The following LARGE1 variants were observed in gnomAD, a reference collection of about 807,000 sequenced individuals.
LARGE1 encodes xylosyl- and glucuronyltransferase LARGE1.
In LARGE1, 43 loss-of-function variants were observed where a neutral mutation model predicts 87.6. The observed-to-expected ratio is 0.49, with a 90% CI of 0.38 to 0.63. The LOEUF is 0.63. Ranked by LOEUF, LARGE1 falls within the 30% of genes least tolerant of loss-of-function variation. The pLI, the probability that LARGE1 is intolerant of heterozygous loss-of-function variation, is 0.00. For missense variants in LARGE1, 802 were observed against 1,000.2 expected (o/e 0.80, Z 2.67); for synonymous variants, 434 against 394.6 (o/e 1.10, Z -1.18).
At chr22:33,837,960 C>T (rs1163751117) in intron 1 of LARGE1, among the ~76,000 whole-genome samples, 1 of 152,200 alleles carries the variant, frequency 6.6e-6, no homozygotes, top group Admixed American at 6.5e-5. Flanking sequence ...CACGTAAGCT[C>T]TGCATGCCAT....
chr22:33,470,166 A>C (rs1456738422), intron 6 of LARGE1, among the ~76,000 whole-genome samples: 1 of 152,130 alleles, frequency 6.6e-6, no homozygotes, highest in Non-Finnish European at 1.5e-5. Flanking sequence ...CTGGGATTAC[A>C]GGCATGAGCC....
intron 2 of LARGE1, among the ~76,000 whole-genome samples, chr22:33,700,393 T>C (rs1356447966): frequency 6.6e-6 from 1 of 152,186 alleles, no homozygotes; most frequent in Non-Finnish European, 1.5e-5. Context: ...GTCCAGAGAA[T>C]TAATTGTGTA....
the LARGE1 span, among the ~76,000 whole-genome samples, chr22:33,069,250 A>G: frequency 1.3e-5 from 2 of 152,178 alleles, no homozygotes; most frequent in African/African-American, 4.8e-5. Context: ...AATGAAGCAT[A>G]GTGATGAAAG....
At chr22:33,862,884 A>G (rs1031947352) in intron 1 of LARGE1, among the ~76,000 whole-genome samples, 1 of 152,162 alleles carries the variant, frequency 6.6e-6, no homozygotes, top group Non-Finnish European at 1.5e-5. Flanking sequence ...ATACCTACAT[A>G]TTAGTATCTA....
At chr22:33,104,889 C>CTTTCTTTCTTTCTTTCTTTCTT in the LARGE1 span, among the ~76,000 whole-genome samples, 12 of 89,148 alleles carry the variant, frequency 1.3e-4, no homozygotes, top group South Asian at 4.5e-4. Context: ...GACTTTCTCT[C>CTTTCTTTCTTTCTTTCTTTCTT]TCTTTCTTTC....
intron 2 of LARGE1, among the ~76,000 whole-genome samples, chr22:33,672,752 A>T (rs1179390719): frequency 6.6e-6 from 1 of 152,228 alleles, no homozygotes; most frequent in Non-Finnish European, 1.5e-5. Context: ...AGGAGTTGGT[A>T]GAGAAGTAGA....
intron 1 of LARGE1, among the ~76,000 whole-genome samples, chr22:33,781,841 GATAAAA>G (rs559077950): frequency 6.8e-4 from 104 of 152,244 alleles, no homozygotes; most frequent in African/African-American, 2.3e-3. Flanking sequence ...ATAGTACACT[GATAAAA>G]ATAGAAAGCA....
At chr22:33,914,543 C>T (rs1227184346) in intron 1 of LARGE1, among the ~76,000 whole-genome samples, 1 of 152,174 alleles carries the variant, frequency 6.6e-6, no homozygotes, top group Non-Finnish European at 1.5e-5. Context: ...AACGGGTTTC[C>T]ACCATAGGTA....
chr22:33,451,904 A>G (rs1173310023), intron 6 of LARGE1, among the ~76,000 whole-genome samples: 1 of 152,092 alleles, frequency 6.6e-6, no homozygotes, highest in African/African-American at 2.4e-5. Flanking sequence ...CTTAGCTCCC[A>G]CTTATCAGTG....
the LARGE1 span, among the ~76,000 whole-genome samples, chr22:33,151,952 C>A: frequency 0.013 from 666 of 52,436 alleles, 4 homozygotes; most frequent in South Asian, 0.034. Flanking sequence ...AAAAAAAAAA[C>A]AAGTTGTGAA....
chr22:33,885,441 C>CT (rs2064817408), intron 1 of LARGE1, among the ~76,000 whole-genome samples: 1 of 152,172 alleles, frequency 6.6e-6, no homozygotes, highest in Non-Finnish European at 1.5e-5. Context: ...ACCAATCCCC[C>CT]TAAGCCTCAG....
chr22:33,574,686 T>TTG (rs3986017), intron 5 of LARGE1, among the ~76,000 whole-genome samples: 72 of 144,082 alleles, frequency 5.0e-4, no homozygotes, highest in East Asian at 1.5e-3. Flanking sequence ...ATATAAACAA[T>TTG]TGTGTGTGTG....
intron 12 of LARGE1, among the ~76,000 whole-genome samples, chr22:33,286,599 G>A (rs1375991688): frequency 6.6e-6 from 1 of 152,128 alleles, no homozygotes; most frequent in Admixed American, 6.5e-5. Context: ...AGAAGCCTAA[G>A]GACAAATCTC....
intron 9 of LARGE1, among the ~76,000 whole-genome samples, chr22:33,338,254 G>C (rs11913717): frequency 0.13 from 19,993 of 152,068 alleles, 2,718 homozygotes; most frequent in African/African-American, 0.35. Context: ...GTTGCTTCCT[G>C]TCCCTGTGGG....
At chr22:33,313,486 G>A (rs1289403352) in intron 11 of LARGE1, among the ~76,000 whole-genome samples, 1 of 152,198 alleles carries the variant, frequency 6.6e-6, no homozygotes, top group Non-Finnish European at 1.5e-5. Flanking sequence ...CCCCGCTGGC[G>A]GACATGCCCT....
Position 33,436,292 on chromosome 22 carries a change from T to C in LARGE1, c.788-4027A>G, listed in dbSNP as rs146508440. ...AAGCTGGAACTCTAAGCACTGTACATATGATAGTCACTGCCTATCCTAACC... is the reference window on the plus strand; with the variant it reads ...AAGCTGGAACTCTAAGCACTGTACACATGATAGTCACTGCCTATCCTAACC... On this transcript the variant is annotated intron_variant, in intron 6 of 14. Transcript: ENST00000397394. Among the ~76,000 whole-genome samples the C allele has an allele frequency of 8.5e-5, 13 of 152,348 alleles. No homozygotes were observed. In the East Asian group the frequency reaches 2.5e-3, roughly 29 times the overall value.
chr22:33,458,399 C>T (rs112473822), intron 6 of LARGE1, among the ~76,000 whole-genome samples: 12 of 151,328 alleles, frequency 7.9e-5, no homozygotes, highest in South Asian at 6.3e-4. Context: ...CCACCGTGCC[C>T]GGCCAAAAAT....
At chr22:33,237,165 C>A (rs1926293470) in intron 11 of LARGE1, among the ~76,000 whole-genome samples, 1 of 152,128 alleles carries the variant, frequency 6.6e-6, no homozygotes, top group South Asian at 2.1e-4. Flanking sequence ...TATTAAGGAT[C>A]CAGCCATCAA....
At chr22:33,124,171 CAGCTACTCG>C in the LARGE1 span, among the ~76,000 whole-genome samples, 3 of 151,932 alleles carry the variant, frequency 2.0e-5, no homozygotes, top group African/African-American at 7.3e-5. Flanking sequence ...CCTGTAATAT[CAGCTACTCG>C]AGCGGCTGAG....
Sources: gnomAD v4.1 joint callset for allele counts (sites outside exome capture counted in the v4.1 genomes callset) on GRCh38, gnomAD v4.1.1 for gene constraint, MANE v1.5 for transcripts, NCBI Gene and HGNC (gene_info 2026-07-23, HGNC 2026-07-21) for gene names.